The following MAPK6 variants were observed in gnomAD, a reference collection of about 807,000 sequenced individuals.
MAPK6 encodes ERK-3.
MAPK6 carries 19 observed loss-of-function variants against 59.3 expected under a neutral mutation model. The ratio of observed to expected loss-of-function variants is 0.32; its 90% CI spans 0.22 to 0.47. The LOEUF is 0.47. MAPK6 is among the 20% of genes least tolerant of loss of function. The pLI is 1.00. For missense variants in MAPK6, 724 were observed against 847.9 expected (o/e 0.85, Z 1.81); for synonymous variants, 316 against 290.3 (o/e 1.09, Z -0.90).
intron 1 of MAPK6, among the ~76,000 whole-genome samples, chr15:51,972,296 A>G (rs1003994580): frequency 6.6e-6 from 1 of 151,670 alleles, no homozygotes; most frequent in Admixed American, 6.6e-5. Context: ...CCGCCACCAC[A>G]CCCGGCTAAT....
chr15:52,031,828 C>A (rs2031046103), intron 1 of MAPK6, among the ~76,000 whole-genome samples: 1 of 152,084 alleles, frequency 6.6e-6, no homozygotes, highest in Non-Finnish European at 1.5e-5. Flanking sequence ...GATCCTGTCT[C>A]AAGATAAATA....
chr15:52,027,182 T>C (rs2030823806), intron 1 of MAPK6, among the ~76,000 whole-genome samples: 1 of 151,442 alleles, frequency 6.6e-6, no homozygotes, highest in African/African-American at 2.4e-5. Flanking sequence ...TGAAACCCCA[T>C]CTCTACTAAA....
intron 3 of MAPK6, among the ~76,000 whole-genome samples, chr15:52,054,179 C>A (rs1015664471): frequency 6.6e-6 from 1 of 151,616 alleles, no homozygotes; most frequent in Non-Finnish European, 1.5e-5. Flanking sequence ...AACAGCCTGG[C>A]CAACATGGTG....
chr15:52,003,537 G>A (rs1191062748), intron 2 of MAPK6, among the ~76,000 whole-genome samples: 1 of 152,196 alleles, frequency 6.6e-6, no homozygotes, highest in Non-Finnish European at 1.5e-5. Context: ...CCACAGCAGG[G>A]CAGCAAGTCT....
chr15:51,988,093 T>A (rs2057196795), intron 2 of MAPK6, among the ~76,000 whole-genome samples: 1 of 152,068 alleles, frequency 6.6e-6, no homozygotes, highest in Non-Finnish European at 1.5e-5. Flanking sequence ...AATTTACAGA[T>A]GTGTAAGGAT....
chr15:51,972,215 A>G (rs925144415), intron 1 of MAPK6, among the ~76,000 whole-genome samples: 1 of 152,186 alleles, frequency 6.6e-6, no homozygotes, highest in Non-Finnish European at 1.5e-5. Flanking sequence ...CTCGGCTCAC[A>G]GCAACCTCCA....
chr15:51,979,114 AAAG>A (rs1214737910), intron 1 of MAPK6, among the ~76,000 whole-genome samples: 1 of 150,158 alleles, frequency 6.7e-6, no homozygotes, highest in Non-Finnish European at 1.5e-5. Flanking sequence ...TTGAAAAAAA[AAAG>A]AGAGAAAGAA....
intron 2 of MAPK6, among the ~76,000 whole-genome samples, chr15:51,995,866 G>A (rs1439766514): frequency 6.6e-6 from 1 of 151,780 alleles, no homozygotes; most frequent in Non-Finnish European, 1.5e-5. Flanking sequence ...AGGCAGAGGT[G>A]GCAGTGAGCT....
intron 2 of MAPK6, among the ~76,000 whole-genome samples, chr15:51,992,307 T>TATCTATCTATCTATCTA (rs1261387788): frequency 8.5e-6 from 1 of 117,696 alleles, no homozygotes; most frequent in African/African-American, 3.6e-5. Context: ...ATATATATAT[T>TATCTATCTATCTATCTA]TTTTTTTTTT....
intron 1 of MAPK6, among the ~76,000 whole-genome samples, chr15:52,040,234 G>A (rs1457666606): frequency 3.3e-5 from 5 of 152,248 alleles, no homozygotes; most frequent in Non-Finnish European, 5.9e-5. Context: ...GATAGCCCTA[G>A]GTGAATATAA....
At chr15:52,042,547 G>A (rs1304981643) in intron 1 of MAPK6, among the ~76,000 whole-genome samples, 5 of 151,568 alleles carry the variant, frequency 3.3e-5, no homozygotes, top group East Asian at 3.9e-4. Context: ...TTTAAGGGGG[G>A]CAGATGTGGA....
chr15:51,975,576 C>T (rs2057155030), intron 1 of MAPK6, among the ~76,000 whole-genome samples: 1 of 151,660 alleles, frequency 6.6e-6, no homozygotes, highest in Non-Finnish European at 1.5e-5. Flanking sequence ...TACACCAAAT[C>T]ACACAAAAAG....
At position 52,067,045 on chromosome 15, in the gene MAPK6, TA is replaced by T. The variant is rs2141144575; in HGVS notation, c.*2047del. The T allele has an allele frequency of 6.6e-6, 1 of 152,310 alleles. No homozygotes were observed. Among genetic ancestry groups the T allele is most frequent in the African/African-American group, 2.4e-5 (1 of 41,574 alleles). The allele number at this position is 152,310 out of a possible 1,614,324, so 9.4% of individuals were successfully genotyped here. ...GACATTGGTCCCTGATCCTCCATTA[TA>T]ACCAATTTTTTGCAAACGTATGTTG... On this transcript the variant is annotated 3_prime_UTR_variant, in exon 6 of 6. Transcript: ENST00000261845.
intron 1 of MAPK6, among the ~76,000 whole-genome samples, chr15:52,034,785 C>T (rs1201658180): frequency 1.3e-5 from 2 of 152,174 alleles, no homozygotes; most frequent in Non-Finnish European, 2.9e-5. Flanking sequence ...ACAACCTCCT[C>T]CTCCCGGGTT....
chr15:52,002,879 C>A (rs192867894), intron 2 of MAPK6, among the ~76,000 whole-genome samples: 61 of 152,218 alleles, frequency 4.0e-4, no homozygotes, highest in African/African-American at 1.4e-3. Flanking sequence ...GAAGGAGGAA[C>A]TGTCAAACAC....
At chr15:52,010,761 C>T (rs2030032334) in intron 3 of MAPK6, among the ~76,000 whole-genome samples, 1 of 152,150 alleles carries the variant, frequency 6.6e-6, no homozygotes, top group African/African-American at 2.4e-5. Flanking sequence ...TCAAGTGATC[C>T]ACTCACCTTG....
At chr15:52,011,691 C>T (rs2030062613) in intron 3 of MAPK6, among the ~76,000 whole-genome samples, 1 of 152,160 alleles carries the variant, frequency 6.6e-6, no homozygotes, top group Admixed American at 6.5e-5. Context: ...GTTCAGTTTT[C>T]ACTAATTTAC....
chr15:52,032,923 G>C (rs1220368906), intron 1 of MAPK6, among the ~76,000 whole-genome samples: 1 of 151,906 alleles, frequency 6.6e-6, no homozygotes, highest in Non-Finnish European at 1.5e-5. Context: ...GACTTCAGGT[G>C]ATCTGCCCGC....
At chr15:52,037,715 C>T (rs1275861586) in intron 1 of MAPK6, among the ~76,000 whole-genome samples, 2 of 152,272 alleles carry the variant, frequency 1.3e-5, no homozygotes, top group South Asian at 2.1e-4. Context: ...AATACCATAT[C>T]TGGGAATCTT....
Sources: allele counts gnomAD v4.1 joint callset (sites outside exome capture counted in the v4.1 genomes callset), GRCh38; gene constraint gnomAD v4.1.1; transcripts MANE v1.5; gene names NCBI Gene and HGNC (gene_info 2026-07-23, HGNC 2026-07-21).